The following RGS5 variants were observed in gnomAD, a reference collection of about 807,000 sequenced individuals.
The protein encoded by RGS5 is regulator of G-protein signalling 5.
A neutral mutation model predicts 18.9 loss-of-function variants in RGS5; 20 were observed. That is an observed-to-expected ratio of 1.06 (90% confidence interval 0.74 to 1.54). The LOEUF (loss-of-function observed/expected upper bound fraction) is 1.54, where lower values mean the gene tolerates loss of function less well. Ranked by LOEUF, RGS5 falls within the 40% of genes most tolerant of loss-of-function variation. The pLI, the probability that RGS5 is intolerant of heterozygous loss-of-function variation, is 0.00. For missense variants in RGS5, 201 were observed against 211.8 expected (o/e 0.95, Z 0.32); for synonymous variants, 57 against 76.2 (o/e 0.75, Z 1.31).
intron 2 of RGS5, among the ~76,000 whole-genome samples, chr1:163,235,521 C>T (rs1647599655): frequency 6.6e-6 from 1 of 152,226 alleles, no homozygotes; most frequent in Middle Eastern, 3.2e-3. Context: ...GGGCCCAGTT[C>T]TAATCCCTGA....
intron 1 of RGS5, among the ~76,000 whole-genome samples, chr1:163,183,099 A>G (rs755845902): frequency 1.3e-5 from 2 of 152,236 alleles, no homozygotes; most frequent in Non-Finnish European, 2.9e-5. Flanking sequence ...CAAATTCATT[A>G]CTACAAACAA....
chr1:163,171,588 T>G (rs768768290), intron 1 of RGS5, among the ~76,000 whole-genome samples: 15 of 152,324 alleles, frequency 9.8e-5, no homozygotes, highest in Non-Finnish European at 4.4e-5. Context: ...TTTTTTCTAT[T>G]TCTTGCTCCA....
intron 2 of RGS5, chr1:163,237,840 A>G: frequency 6.5e-6 from 1 of 153,864 alleles, no homozygotes; most frequent in Middle Eastern, 8.4e-4. Flanking sequence ...AGAAACAACA[A>G]AGGAGAAGAG....
At chr1:163,163,345 G>C (rs1343246093) in intron 2 of RGS5, among the ~76,000 whole-genome samples, 2 of 152,118 alleles carry the variant, frequency 1.3e-5, no homozygotes, top group Non-Finnish European at 2.9e-5. Context: ...AAATAATCTT[G>C]GGTGATTTCT....
chr1:163,283,932 G>A (rs1032397913), intron 2 of RGS5, among the ~76,000 whole-genome samples: 5 of 152,130 alleles, frequency 3.3e-5, no homozygotes, highest in Admixed American at 2.0e-4. Context: ...CATCTTGAGC[G>A]CAGTCTTTGA....
intron 4 of RGS5, among the ~76,000 whole-genome samples, chr1:163,150,519 A>G (rs1191675729): frequency 6.6e-6 from 1 of 152,214 alleles, no homozygotes; most frequent in Non-Finnish European, 1.5e-5. Flanking sequence ...CAATATATAC[A>G]GAGAAATAAC....
At chr1:163,180,227 C>T (rs12091258) in intron 1 of RGS5, among the ~76,000 whole-genome samples, 7 of 152,186 alleles carry the variant, frequency 4.6e-5, no homozygotes, top group Admixed American at 1.3e-4. Flanking sequence ...CCACCCGCCT[C>T]GGCCTCCTCA....
intron 2 of RGS5, among the ~76,000 whole-genome samples, chr1:163,224,312 T>C (rs1647287877): frequency 6.6e-6 from 1 of 152,214 alleles, no homozygotes; most frequent in Non-Finnish European, 1.5e-5. Context: ...TATTTGTTTT[T>C]CTGTGTTTGG....
intron 2 of RGS5, among the ~76,000 whole-genome samples, chr1:163,253,030 T>G (rs968204799): frequency 6.6e-6 from 1 of 152,202 alleles, no homozygotes; most frequent in Non-Finnish European, 1.5e-5. Context: ...GGATACTGAT[T>G]GGGAACACTA....
chr1:163,178,843 C>A (rs75529324), intron 1 of RGS5, among the ~76,000 whole-genome samples: 1 of 152,222 alleles, frequency 6.6e-6, no homozygotes, highest in East Asian at 1.9e-4. Flanking sequence ...GAAGAAAAGT[C>A]ATCAAGAAAA....
At chr1:163,226,004 T>G (rs1164427969) in intron 2 of RGS5, among the ~76,000 whole-genome samples, 1 of 151,748 alleles carries the variant, frequency 6.6e-6, no homozygotes, top group Non-Finnish European at 1.5e-5. Context: ...CACTGCAACC[T>G]CCACCTCCCG....
intron 2 of RGS5, among the ~76,000 whole-genome samples, chr1:163,253,547 C>A (rs1207033061): frequency 1.3e-5 from 2 of 151,522 alleles, no homozygotes; most frequent in African/African-American, 4.8e-5. Context: ...TGACCTCTGG[C>A]AATCCACCCA....
intron 3 of RGS5, among the ~76,000 whole-genome samples, chr1:163,152,919 C>T (rs746862163): frequency 2.6e-5 from 4 of 152,114 alleles, no homozygotes; most frequent in African/African-American, 9.6e-5. Context: ...GAACACAGAG[C>T]TCAAGCCCTG....
At chr1:163,189,340 G>A (rs901898025) in intron 1 of RGS5, among the ~76,000 whole-genome samples, 2 of 152,224 alleles carry the variant, frequency 1.3e-5, no homozygotes, top group African/African-American at 4.8e-5. Flanking sequence ...GCAGAAGGAA[G>A]AGTCAAGGAA....
chr1:163,298,080 T>C (rs1649466187), intron 2 of RGS5, among the ~76,000 whole-genome samples: 3 of 151,384 alleles, frequency 2.0e-5, no homozygotes. Flanking sequence ...TTTCCTTGTT[T>C]GATATAACAA....
intron 1 of RGS5, among the ~76,000 whole-genome samples, chr1:163,217,062 A>G (rs1660235628): frequency 6.6e-6 from 1 of 152,162 alleles, no homozygotes; most frequent in African/African-American, 2.4e-5. Flanking sequence ...AGAGGGGAAC[A>G]ACAGACACAG....
chr1:163,289,526 C>A (rs12129953), intron 2 of RGS5, among the ~76,000 whole-genome samples: 7,003 of 152,038 alleles, frequency 0.046, 202 homozygotes, highest in South Asian at 0.093. Context: ...TTTCTAAGAA[C>A]CTGTCACATA....
chr1:163,188,573 A>C (rs190978612), intron 1 of RGS5, among the ~76,000 whole-genome samples: 6 of 152,314 alleles, frequency 3.9e-5, no homozygotes, highest in Non-Finnish European at 2.9e-5. Context: ...TTCTGGACCC[A>C]CAGCTCAAAA....
intron 2 of RGS5, among the ~76,000 whole-genome samples, chr1:163,229,058 C>A (rs954485565): frequency 1.3e-5 from 2 of 152,196 alleles, no homozygotes; most frequent in African/African-American, 4.8e-5. Flanking sequence ...GTTACCCGTT[C>A]CAAAGTCATT....
Sources: allele counts gnomAD v4.1 joint callset (sites outside exome capture counted in the v4.1 genomes callset), GRCh38; gene constraint gnomAD v4.1.1; transcripts MANE v1.5; gene names NCBI Gene and HGNC (gene_info 2026-07-23, HGNC 2026-07-21).